The following RAP1GAP2 variants were observed in gnomAD, a reference collection of about 807,000 sequenced individuals.
RAP1GAP2 encodes RAP1 GTPase activating protein 2, also known as rap1 GTPase-activating protein 2.
A neutral mutation model predicts 95.0 loss-of-function variants in RAP1GAP2; 27 were observed. The ratio of observed to expected loss-of-function variants is 0.28; its 90% CI spans 0.21 to 0.39. The LOEUF (loss-of-function observed/expected upper bound fraction) is 0.39. RAP1GAP2 is among the 10% of genes least tolerant of loss of function. RAP1GAP2 has a pLI of 1.00. For synonymous variants in RAP1GAP2, 373 were observed against 380.9 expected (o/e 0.98, Z 0.24); for missense variants, 771 against 970.0 (o/e 0.79, Z 2.72).
rs757054651 is a variant in RAP1GAP2 at position 3,018,073 on chromosome 17, G to A, written c.1507G>A (p.Val503Ile). ...FLESFKRAIR[V>I]RSHSMETMVG... ...TCTCTCCCCGTAGAGGGCCATCCGC[G>A]TACGCAGCCACTCCATGGAGACCAT... The change falls in exon 18 of 25, where the codon GTA (valine) becomes ATA (isoleucine). Residue 503 changes from valine to isoleucine, a missense_variant. Val to Ile is a conservative substitution (Grantham distance 29). Transcript: ENST00000254695. The A allele has an allele frequency of 9.4e-6, 15 of 1,588,086 alleles. No individual in the cohort carries two copies. Among genetic ancestry groups the A allele is most frequent in the Admixed American group, 3.5e-5 (2 of 56,348 alleles).
At chr17:2,776,719 A>G (rs1216142627), upstream of RAP1GAP2, among the ~76,000 whole-genome samples, 2 of 148,964 alleles carry the variant, frequency 1.3e-5, no homozygotes, top group East Asian at 3.9e-4. Flanking sequence ...GAGGGGCGCC[A>G]GGTGTGCGGG....
intron 3 of RAP1GAP2, among the ~76,000 whole-genome samples, chr17:2,929,876 G>T (rs1280455142): frequency 1.3e-5 from 2 of 152,094 alleles, no homozygotes; most frequent in Non-Finnish European, 2.9e-5. Context: ...AGTGCACCCC[G>T]AGATCACCAG....
At chr17:2,779,403 G>C (rs2068583745) in intron 1 of RAP1GAP2, among the ~76,000 whole-genome samples, 1 of 152,202 alleles carries the variant, frequency 6.6e-6, no homozygotes, top group Admixed American at 6.5e-5. Flanking sequence ...CTCAAGTGGA[G>C]GTGGGTCCGC....
upstream of RAP1GAP2, among the ~76,000 whole-genome samples, chr17:2,772,841 C>T (rs369957329): frequency 1.8e-5 from 2 of 112,054 alleles, no homozygotes; most frequent in Non-Finnish European, 3.6e-5. Context: ...ATTTCTTTTT[C>T]TTTTTCTTTC....
chr17:2,959,485 A>G (rs1239512492), intron 4 of RAP1GAP2, among the ~76,000 whole-genome samples: 3 of 152,054 alleles, frequency 2.0e-5, no homozygotes, highest in Non-Finnish European at 1.5e-5. Flanking sequence ...CAGAGGGTTC[A>G]CTCTTAGTAA....
intron 22 of RAP1GAP2, among the ~76,000 whole-genome samples, chr17:3,028,914 C>T (rs943040451): frequency 1.3e-5 from 2 of 152,174 alleles, no homozygotes; most frequent in African/African-American, 4.8e-5. Flanking sequence ...GATTCACCTG[C>T]CTCAGCCTTC....
At chr17:2,849,289 C>G (rs567745459) in intron 2 of RAP1GAP2, among the ~76,000 whole-genome samples, 70 of 152,266 alleles carry the variant, frequency 4.6e-4, no homozygotes, top group African/African-American at 1.4e-3. Context: ...CCACCCACCC[C>G]CAATCCCAGC....
intron 2 of RAP1GAP2, among the ~76,000 whole-genome samples, chr17:2,818,299 T>G (rs1295918810): frequency 1.1e-5 from 1 of 95,228 alleles, no homozygotes; most frequent in Non-Finnish European, 1.9e-5. Flanking sequence ...CCCACTTTAT[T>G]TATTTATTTA....
intron 1 of RAP1GAP2, 129 bp from the exon 2 acceptor site, chr17:2,800,386 C>T (rs112796407): frequency 1.5e-6 from 2 of 1,355,918 alleles, no homozygotes; most frequent in Admixed American, 4.1e-5. Context: ...GAACTGGCCC[C>T]TTTAGCCAGT....
At chr17:2,804,429 C>G (rs572635052) in intron 2 of RAP1GAP2, among the ~76,000 whole-genome samples, 2 of 152,334 alleles carry the variant, frequency 1.3e-5, no homozygotes, top group Non-Finnish European at 2.9e-5. Flanking sequence ...TCAAGGTCTT[C>G]AGGGAGGAAG....
At chr17:2,796,390 G>A (rs990200954), upstream of RAP1GAP2, 2 of 898,724 alleles carry the variant, frequency 2.2e-6, no homozygotes, top group Admixed American at 2.1e-5. This position sits in a 1 kb window ranked among gnomAD's most constrained non-coding sequence, Gnocchi z 4.7. Flanking sequence ...CGGGTTGGGG[G>A]CAGGCGAAGA....
At chr17:2,976,561 T>G (rs938791504) in intron 8 of RAP1GAP2, among the ~76,000 whole-genome samples, 2 of 152,010 alleles carry the variant, frequency 1.3e-5, no homozygotes, top group African/African-American at 4.8e-5. Flanking sequence ...GAAGTGGTAT[T>G]TAGAGAGAGA....
chr17:2,979,439 CAG>C (rs1242438614), intron 8 of RAP1GAP2, among the ~76,000 whole-genome samples: 2 of 148,558 alleles, frequency 1.3e-5, no homozygotes, highest in East Asian at 4.0e-4. Context: ...CAGTGGCAGA[CAG>C]ATATATCAGG....
intron 2 of RAP1GAP2, among the ~76,000 whole-genome samples, chr17:2,875,778 C>T (rs1346677736): frequency 6.6e-6 from 1 of 152,008 alleles, no homozygotes; most frequent in East Asian, 1.9e-4. Flanking sequence ...TGCCTGGGCC[C>T]CTTCCTCTTC....
chr17:2,926,016 T>A (rs1205091682), intron 3 of RAP1GAP2, among the ~76,000 whole-genome samples: 1 of 151,510 alleles, frequency 6.6e-6, no homozygotes, highest in Admixed American at 6.6e-5. Flanking sequence ...GGTGGGTGTC[T>A]GTAATCCCAG....
chr17:2,969,493 ATT>A (rs1248517197), intron 8 of RAP1GAP2, among the ~76,000 whole-genome samples: 10 of 101,896 alleles, frequency 9.8e-5, no homozygotes, highest in Non-Finnish European at 2.0e-4. Context: ...AAATATATAT[ATT>A]CTTTTTTTTT....
intron 1 of RAP1GAP2, among the ~76,000 whole-genome samples, chr17:2,791,138 G>T (rs2068914007): frequency 6.6e-6 from 1 of 152,226 alleles, no homozygotes; most frequent in African/African-American, 2.4e-5. Flanking sequence ...CTGGGAGGCG[G>T]AGGTTGCAGT....
chr17:2,761,863 G>A (rs146782693), intron 1 of RAP1GAP2, among the ~76,000 whole-genome samples: 56 of 151,654 alleles, frequency 3.7e-4, no homozygotes, highest in African/African-American at 1.2e-3. Flanking sequence ...CTCTGTCTTT[G>A]CTTATAGCCA....
chr17:2,980,822 G>A (rs2045328572), intron 9 of RAP1GAP2, among the ~76,000 whole-genome samples: 1 of 152,210 alleles, frequency 6.6e-6, no homozygotes, highest in Non-Finnish European at 1.5e-5. Flanking sequence ...TGAGAACTGA[G>A]TTAGCAAAGT....
Sources: gnomAD v4.1 joint callset for allele counts (sites outside exome capture counted in the v4.1 genomes callset) on GRCh38, gnomAD v4.1.1 for gene constraint, Gnocchi (gnomAD v3.1) non-coding constraint, MANE v1.5 for transcripts, NCBI Gene and HGNC (gene_info 2026-07-23, HGNC 2026-07-21) for gene names.